The following MAPDA variants were observed in gnomAD, a reference collection of about 807,000 sequenced individuals.
The protein encoded by MAPDA is N6-Methyl-AMP deaminase, also known as N6,N6-dimethyl-AMP deaminase.
At chr15:43,336,577 A>G in the MAPDA span, 1 of 1,420,738 alleles carries the variant, frequency 7.0e-7, no homozygotes, top group Non-Finnish European at 9.5e-7. Context: ...TCAGTTAGTG[A>G]GTTTCTTTGA....
chr15:43,353,390 T>G, the MAPDA span: 1 of 152,252 alleles, frequency 6.6e-6, no homozygotes, highest in Non-Finnish European at 1.5e-5. Context: ...AAGTTAAGGC[T>G]GATGACACCC....
At chr15:43,336,501 A>C in the MAPDA span, 1 of 669,994 alleles carries the variant, frequency 1.5e-6, no homozygotes, top group Non-Finnish European at 2.4e-6. Context: ...AATTTTTGAA[A>C]CATCTATTCT....
At chr15:43,339,237 G>A in the MAPDA span, among the ~76,000 whole-genome samples, 2 of 152,210 alleles carry the variant, frequency 1.3e-5, no homozygotes, top group African/African-American at 4.8e-5. Context: ...TATCTTGCTT[G>A]GTCCTGGAGT....
the MAPDA span, chr15:43,347,072 G>A: frequency 6.2e-7 from 1 of 1,613,768 alleles, no homozygotes; most frequent in Non-Finnish European, 8.5e-7. Flanking sequence ...AAGCAGGTCT[G>A]AAGTTAGCAT....
At chr15:43,333,710 C>CATTTCACAA in the MAPDA span, among the ~76,000 whole-genome samples, 1 of 152,262 alleles carries the variant, frequency 6.6e-6, no homozygotes, top group Admixed American at 6.5e-5. Context: ...ATTTTCAATA[C>CATTTCACAA]AGTAATATTT....
the MAPDA span, chr15:43,330,448 C>A: frequency 1.3e-6 from 2 of 1,536,886 alleles, no homozygotes; most frequent in Admixed American, 2.2e-5. Context: ...CGTTGGTGTT[C>A]TGTACCGCGC....
chr15:43,330,528 G>C, the MAPDA span: 2 of 1,508,400 alleles, frequency 1.3e-6, no homozygotes, highest in Non-Finnish European at 1.8e-6. Flanking sequence ...TGTCACGGTT[G>C]TGAGCCGCCC....
At chr15:43,347,596 C>T in the MAPDA span, among the ~76,000 whole-genome samples, 6 of 152,208 alleles carry the variant, frequency 3.9e-5, no homozygotes, top group Non-Finnish European at 1.5e-5. Context: ...GGGAAGTAGT[C>T]ACTTTCTTAA....
At chr15:43,350,859 A>G in the MAPDA span, 1 of 1,210,364 alleles carries the variant, frequency 8.3e-7, no homozygotes, top group Non-Finnish European at 1.2e-6. Flanking sequence ...ATTTGGAAAT[A>G]TTTCTCGTGT....
At chr15:43,343,142 C>G in the MAPDA span, 5 of 1,148,324 alleles carry the variant, frequency 4.4e-6, no homozygotes, top group East Asian at 8.1e-5. Context: ...CTGTTTTGAT[C>G]ATGGGTGTAA....
chr15:43,352,523 G>A, the MAPDA span: 1 of 152,232 alleles, frequency 6.6e-6, no homozygotes, highest in Non-Finnish European at 1.5e-5. Context: ...GAGAAACCCT[G>A]TCTCTACAAA....
At chr15:43,353,642 G>A in the MAPDA span, 2 of 152,194 alleles carry the variant, frequency 1.3e-5, no homozygotes, top group Non-Finnish European at 2.9e-5. Flanking sequence ...AAACTCTTGG[G>A]AGAAGGGCTG....
chr15:43,332,473 T>A, the MAPDA span: 1 of 151,956 alleles, frequency 6.6e-6, no homozygotes, highest in Non-Finnish European at 1.5e-5. Flanking sequence ...AATGTAGGTG[T>A]TATGTCAAAA....
the MAPDA span, chr15:43,335,684 T>C: frequency 6.3e-7 from 1 of 1,598,834 alleles, no homozygotes; most frequent in African/African-American, 1.4e-5. Flanking sequence ...TTTTACTGGT[T>C]GTATCTCTTA....
chr15:43,331,720 G>C, the MAPDA span, among the ~76,000 whole-genome samples: 7 of 152,222 alleles, frequency 4.6e-5, no homozygotes, highest in African/African-American at 1.4e-4. Context: ...GCCTTAGGGA[G>C]AGCAGTTTCT....
the MAPDA span, chr15:43,346,913 C>T: frequency 2.3e-6 from 2 of 853,948 alleles, no homozygotes; most frequent in Non-Finnish European, 3.8e-6. Context: ...ATTAATCTAC[C>T]ATTATTTTTT....
chr15:43,330,488 A>C, the MAPDA span: 1 of 1,519,794 alleles, frequency 6.6e-7, no homozygotes, highest in Non-Finnish European at 8.8e-7. Flanking sequence ...CCGGGGGCCC[A>C]TGGCCAGAAG....
chr15:43,350,999 T>C, the MAPDA span: 1 of 1,551,632 alleles, frequency 6.4e-7, no homozygotes, highest in Non-Finnish European at 8.7e-7. Context: ...ACCAGCACCA[T>C]TTCGGATTCT....
chr15:43,347,497 G>C, the MAPDA span, among the ~76,000 whole-genome samples: 4 of 152,144 alleles, frequency 2.6e-5, no homozygotes, highest in Middle Eastern at 3.2e-3. Context: ...GAAGCAGCTC[G>C]TCATTTTTCA....
Sources: gnomAD v4.1 joint callset for allele counts (sites outside exome capture counted in the v4.1 genomes callset) on GRCh38, gnomAD v4.1.1 for gene constraint, MANE v1.5 for transcripts, NCBI Gene and HGNC (gene_info 2026-07-23, HGNC 2026-07-21) for gene names.